Variants in NOL4L observed in about 807,000 individuals in gnomAD.
The protein encoded by NOL4L is nucleolar protein 4 like.
In NOL4L, 7 loss-of-function variants were observed where a neutral mutation model predicts 64.5. The ratio of observed to expected loss-of-function variants is 0.11; its 90% CI spans 0.06 to 0.20. The LOEUF is 0.20. Ranked by LOEUF, NOL4L falls within the 10% of genes least tolerant of loss-of-function variation. The pLI is 1.00. For synonymous variants in NOL4L, 413 were observed against 401.0 expected (o/e 1.03, Z -0.36); for missense variants, 680 against 967.1 (o/e 0.70, Z 3.94).
intron 1 of NOL4L, among the ~76,000 whole-genome samples, chr20:32,563,901 A>ATCC (rs1249506238): frequency 6.6e-6 from 1 of 152,216 alleles, no homozygotes; most frequent in Non-Finnish European, 1.5e-5. Flanking sequence ...CCCTAAGCGT[A>ATCC]TCCTCGGCAG....
At chr20:32,485,070 A>AAAAAAAAAAAAAAAAAAC (rs2016008793) in intron 4 of NOL4L, among the ~76,000 whole-genome samples, 1 of 145,930 alleles carries the variant, frequency 6.9e-6, no homozygotes, top group Non-Finnish European at 1.5e-5. Context: ...AAAAAAAAAA[A>AAAAAAAAAAAAAAAAAAC]AAAAAAAAAA....
chr20:32,577,684 A>G (rs577345262), intron 1 of NOL4L, among the ~76,000 whole-genome samples: 1 of 152,320 alleles, frequency 6.6e-6, no homozygotes, highest in African/African-American at 2.4e-5. Context: ...TGTCTCAAAA[A>G]AAAGAAAAGA....
chr20:32,453,513 A>T lies in NOL4L; in HGVS notation c.1306-18T>A, dbSNP rs1290035137. The T allele has an allele frequency of 6.2e-7, 1 of 1,613,400 alleles. No individual in the cohort carries two copies. Among genetic ancestry groups the T allele is most frequent in the South Asian group, 1.1e-5 (1 of 91,084 alleles). ...ACAAACATCTGTGGAGACACGGGCC[A>T]TGGGAAGGGCTGGCCCTGGCCTTGC... On this transcript the variant is annotated intron_variant, in intron 7 of 10. Transcript: ENST00000621426. This position sits in a 1 kb window ranked among gnomAD's most constrained non-coding sequence, Gnocchi z 5.6.
At chr20:32,574,293 A>G (rs2145622630) in intron 1 of NOL4L, among the ~76,000 whole-genome samples, 1 of 152,300 alleles carries the variant, frequency 6.6e-6, no homozygotes, top group African/African-American at 2.4e-5. Context: ...AACATTTCAC[A>G]TGGATTCTTG....
At chr20:32,556,158 G>A (rs565369001) in intron 1 of NOL4L, among the ~76,000 whole-genome samples, 41 of 152,254 alleles carry the variant, frequency 2.7e-4, no homozygotes, top group Admixed American at 7.2e-4. Flanking sequence ...GAGGCTCTGC[G>A]GCCTCGGGAG....
At chr20:32,544,112 G>A (rs535755021) in intron 1 of NOL4L, among the ~76,000 whole-genome samples, 3 of 152,142 alleles carry the variant, frequency 2.0e-5, no homozygotes, top group African/African-American at 2.4e-5. Flanking sequence ...AAGCAGGCGG[G>A]TGACACCATC....
In NOL4L at chr20:32,584,667, T is replaced by C; in HGVS notation, c.224A>G (p.Lys75Arg). Reference protein sequence around the residue: ...GSGPAAGEKGKFQFWVRSKGF... With the variant: ...GSGPAAGEKGRFQFWVRSKGF... ...CTTGGAGCGCACCCAGAACTGGAAC[T>C]TGCCTTTCTCGCCGGCTGCGGGGCC... is the stretch of plus-strand genomic sequence containing the variant. Residue 75 changes from lysine to arginine, a missense_variant, in exon 1 of 11, where the codon AAG becomes AGG. Physicochemically the swap from Lys to Arg is conservative, Grantham distance 26 (BLOSUM62 2). Coordinates refer to ENST00000621426, the MANE Select transcript of NOL4L (RefSeq NM_001256798.2). 6.5e-7 allele frequency: 1 copy of C among 1,547,284 alleles called. No individual in the cohort carries two copies. The highest frequency in any genetic ancestry group is 8.7e-7 in the Non-Finnish European group (1 of 1,145,436).
chr20:32,456,525 CAG>C, intron 5 of NOL4L, 130 bp from the exon 6 acceptor site: 2 of 942,764 alleles, frequency 2.1e-6, no homozygotes, highest in South Asian at 8.0e-5. Flanking sequence ...TACCCCACCT[CAG>C]AGGCAATTTG....
intron 4 of NOL4L, among the ~76,000 whole-genome samples, chr20:32,478,132 T>C (rs569003507): frequency 6.6e-6 from 1 of 152,172 alleles, no homozygotes; most frequent in Non-Finnish European, 1.5e-5. Flanking sequence ...CACCGCACCA[T>C]GGGCCACCTC....
Position 32,453,241 on chromosome 20 carries a change from G to A in NOL4L, c.1497+63C>T. On this transcript the variant is annotated intron_variant, in intron 8 of 10. Coordinates refer to ENST00000621426, the MANE Select transcript of NOL4L (RefSeq NM_001256798.2). This position sits in a 1 kb window ranked among gnomAD's most constrained non-coding sequence, Gnocchi z 5.6. ...GGGTGAAGGGGCCCGGGCATCCTGGGAGTGTGGCAGGAGGTCAGTAGTGGC... is the reference window on the plus strand; with the variant it reads ...GGGTGAAGGGGCCCGGGCATCCTGGAAGTGTGGCAGGAGGTCAGTAGTGGC... The A allele has an allele frequency of 6.4e-7, 1 of 1,566,482 alleles. No homozygotes were observed. Among genetic ancestry groups the A allele is most frequent in the Non-Finnish European group, 8.7e-7 (1 of 1,148,936 alleles).
intron 4 of NOL4L, among the ~76,000 whole-genome samples, chr20:32,504,111 T>A (rs919387306): frequency 6.6e-6 from 1 of 152,208 alleles, no homozygotes; most frequent in African/African-American, 2.4e-5. Context: ...TTTATATGTA[T>A]ACATAAATCT....
intron 2 of NOL4L, among the ~76,000 whole-genome samples, chr20:32,521,263 T>C (rs1185153260): frequency 6.6e-6 from 1 of 152,214 alleles, no homozygotes; most frequent in Non-Finnish European, 1.5e-5. Context: ...AACATTGCTC[T>C]AGCGTAGGGT....
intron 1 of NOL4L, among the ~76,000 whole-genome samples, chr20:32,582,301 A>G (rs1430305285): frequency 6.6e-6 from 1 of 152,094 alleles, no homozygotes; most frequent in Non-Finnish European, 1.5e-5. Flanking sequence ...GGGAGGGCTC[A>G]TTATTGGTCT....
At chr20:32,584,359 A>C (rs1980748927) in intron 1 of NOL4L, among the ~76,000 whole-genome samples, 1 of 150,548 alleles carries the variant, frequency 6.6e-6, no homozygotes, top group Non-Finnish European at 1.5e-5. Context: ...AGCGGCGCGG[A>C]GGGGGGCAGG....
At chr20:32,489,809 C>CA in intron 4 of NOL4L, among the ~76,000 whole-genome samples, 1 of 149,316 alleles carries the variant, frequency 6.7e-6, no homozygotes, top group Middle Eastern at 3.6e-3. Context: ...GACTCCCTCT[C>CA]AAATAAATAA....
intron 4 of NOL4L, among the ~76,000 whole-genome samples, chr20:32,493,820 T>C (rs1031692850): frequency 6.6e-6 from 1 of 152,220 alleles, no homozygotes; most frequent in Non-Finnish European, 1.5e-5. Flanking sequence ...ATGGTGCTGG[T>C]GCTGCTGCGG....
rs1980781588 is a variant in NOL4L, at chr20:32,584,711, G to T, written c.180C>A (p.Gly60=). 1.3e-6 allele frequency: 2 copies of T among 1,548,252 alleles called. No homozygotes were observed. Among genetic ancestry groups the T allele is most frequent in the East Asian group, 2.5e-5 (1 of 40,804 alleles). Residue 60 remains glycine (G), a synonymous_variant, in exon 1 of 11, where the codon GGC becomes GGA. Coordinates refer to ENST00000621426, the MANE Select transcript of NOL4L (RefSeq NM_001256798.2). Reference sequence around the variant, plus strand: ...CGGGGCCGCTGCCCGCGCCAGTCCCGCCGCCGCCCTGCAGGACCTCGGCGA... The same window carrying T: ...CGGGGCCGCTGCCCGCGCCAGTCCCTCCGCCGCCCTGCAGGACCTCGGCGA... ...QRIAEVLQGG[G]GTGAGSGPAA...
chr20:32,519,982 T>A (rs1179278310), intron 3 of NOL4L: 1 of 152,110 alleles, frequency 6.6e-6, no homozygotes, highest in African/African-American at 2.4e-5. Context: ...CCTGCCCTGG[T>A]CATTTTAAAT....
intron 1 of NOL4L, among the ~76,000 whole-genome samples, chr20:32,575,160 C>G (rs558005828): frequency 6.6e-6 from 1 of 152,140 alleles, no homozygotes. Context: ...CGTGAGAACC[C>G]TCCTGTGAGC....
Sources: allele counts gnomAD v4.1 joint callset (sites outside exome capture counted in the v4.1 genomes callset), GRCh38; gene constraint gnomAD v4.1.1; non-coding constraint Gnocchi (gnomAD v3.1); transcripts MANE v1.5; gene names NCBI Gene and HGNC (gene_info 2026-07-23, HGNC 2026-07-21).